The following FARS2 variants were observed in gnomAD, a reference collection of about 807,000 sequenced individuals.
The protein encoded by FARS2 is phenylalanine--tRNA ligase, mitochondrial.
Under a neutral mutation model 46.4 loss-of-function variants are expected in FARS2, and 40 were observed. The observed-to-expected ratio is 0.86, with a 90% CI of 0.67 to 1.12. The LOEUF is 1.12. Ranked by LOEUF, FARS2 falls within the 50% of genes most tolerant of loss-of-function variation. The pLI is 0.00. For synonymous variants in FARS2, 234 were observed against 214.9 expected (o/e 1.09, Z -0.78); for missense variants, 513 against 567.9 (o/e 0.90, Z 0.98).
chr6:5,425,510 A>AACAC (rs563269554), intron 3 of FARS2, among the ~76,000 whole-genome samples: 1 of 151,162 alleles, frequency 6.6e-6, no homozygotes, highest in East Asian at 1.9e-4. Flanking sequence ...GAAGAGACCA[A>AACAC]ACACACACAC....
At chr6:5,405,386 G>A (rs1029686040) in intron 3 of FARS2, among the ~76,000 whole-genome samples, 2 of 151,494 alleles carry the variant, frequency 1.3e-5, no homozygotes, top group African/African-American at 4.9e-5. Flanking sequence ...AATGGATTAG[G>A]TCAGTCTCAT....
intron 5 of FARS2, among the ~76,000 whole-genome samples, chr6:5,598,610 A>T (rs1774335483): frequency 6.6e-6 from 1 of 152,226 alleles, no homozygotes; most frequent in Non-Finnish European, 1.5e-5. Flanking sequence ...AATGCTTCCA[A>T]CACAGGCATA....
intron 2 of FARS2, among the ~76,000 whole-genome samples, chr6:5,381,406 T>TACATAC (rs1561999118): frequency 8.7e-6 from 1 of 115,320 alleles, no homozygotes; most frequent in African/African-American, 3.7e-5. Flanking sequence ...CACACACACA[T>TACATAC]ACACACACAC....
intron 6 of FARS2, among the ~76,000 whole-genome samples, chr6:5,719,739 T>A (rs1157407398): frequency 6.6e-6 from 1 of 152,224 alleles, no homozygotes; most frequent in Non-Finnish European, 1.5e-5. Flanking sequence ...AGAAGGTACA[T>A]CTTACCAAGA....
chr6:5,356,112 T>C (rs1172257571), intron 1 of FARS2, among the ~76,000 whole-genome samples: 1 of 152,194 alleles, frequency 6.6e-6, no homozygotes, highest in Non-Finnish European at 1.5e-5. Context: ...AGTGTCACAT[T>C]TCACGCCTTT....
At chr6:5,735,098 A>G (rs1351727697) in intron 6 of FARS2, among the ~76,000 whole-genome samples, 2 of 152,248 alleles carry the variant, frequency 1.3e-5, no homozygotes, top group African/African-American at 2.4e-5. Flanking sequence ...TTTTAAAACA[A>G]AGTCTAGAAA....
chr6:5,282,479 G>A (rs1766804427), intron 1 of FARS2, among the ~76,000 whole-genome samples: 1 of 152,196 alleles, frequency 6.6e-6, no homozygotes, highest in Admixed American at 6.5e-5. Context: ...CGGTGCATAT[G>A]GGGAAGGGAG....
chr6:5,363,142 G>A (rs1002063241), intron 1 of FARS2, among the ~76,000 whole-genome samples: 1 of 151,824 alleles, frequency 6.6e-6, no homozygotes, highest in African/African-American at 2.4e-5. Flanking sequence ...TAGCCAGGAT[G>A]GTCTCGTTCT....
At chr6:5,394,407 C>G in intron 2 of FARS2, among the ~76,000 whole-genome samples, 1 of 152,186 alleles carries the variant, frequency 6.6e-6, no homozygotes, top group East Asian at 1.9e-4. Context: ...GGCTATACTT[C>G]ATAGCCTAGG....
intron 6 of FARS2, among the ~76,000 whole-genome samples, chr6:5,719,676 C>T (rs1198206077): frequency 2.0e-5 from 3 of 152,106 alleles, no homozygotes; most frequent in Non-Finnish European, 4.4e-5. Context: ...GGGATGCGGC[C>T]AGCCAGGAGC....
chr6:5,586,461 A>G (rs1022120748), intron 5 of FARS2, among the ~76,000 whole-genome samples: 2 of 152,056 alleles, frequency 1.3e-5, no homozygotes, highest in African/African-American at 4.8e-5. Flanking sequence ...CATGATTTTT[A>G]TCTGCATTCT....
intron 1 of FARS2, among the ~76,000 whole-genome samples, chr6:5,347,212 C>T (rs1757295280): frequency 6.6e-6 from 1 of 152,150 alleles, no homozygotes; most frequent in Non-Finnish European, 1.5e-5. Flanking sequence ...GTGTGCCTGG[C>T]CCATTCATTA....
rs1042406793 is a variant in FARS2 at position 5,600,519 on chromosome 6, A to G, written c.1066-12650A>G. Among the ~76,000 whole-genome samples the G allele has an allele frequency of 2.0e-5, 3 of 152,228 alleles. No individual in the cohort carries two copies. In the East Asian group the frequency reaches 5.8e-4, roughly 29 times the overall value. On this transcript the variant is annotated intron_variant, in intron 5 of 6. Coordinates refer to ENST00000274680, the MANE Select transcript of FARS2 (RefSeq NM_006567.5). ...ACAACCTGAATTCATAAAGTACCAA[A>G]CTCACCAGCCAAATTTGATAAGCAG...
At chr6:5,580,817 T>C (rs1773288630) in intron 5 of FARS2, among the ~76,000 whole-genome samples, 1 of 152,238 alleles carries the variant, frequency 6.6e-6, no homozygotes, top group South Asian at 2.1e-4. Flanking sequence ...CCACATTGGA[T>C]ACTGGTTCCT....
At chr6:5,495,025 G>A (rs1366512460) in intron 4 of FARS2, among the ~76,000 whole-genome samples, 2 of 152,184 alleles carry the variant, frequency 1.3e-5, no homozygotes, top group Non-Finnish European at 2.9e-5. Context: ...AATGACTGCT[G>A]TGTGAGGTTG....
At chr6:5,290,253 A>G (rs1767409978) in intron 1 of FARS2, among the ~76,000 whole-genome samples, 1 of 152,156 alleles carries the variant, frequency 6.6e-6, no homozygotes, top group East Asian at 1.9e-4. Context: ...GTGTGAGGGA[A>G]ACAGTAATGC....
intron 5 of FARS2, among the ~76,000 whole-genome samples, chr6:5,597,888 C>A (rs1014708404): frequency 1.3e-5 from 2 of 151,916 alleles, no homozygotes; most frequent in African/African-American, 4.8e-5. Flanking sequence ...CTTTAATTTT[C>A]TTTTTTATCT....
chr6:5,695,126 G>A (rs1417396517), intron 6 of FARS2: 5 of 152,224 alleles, frequency 3.3e-5, no homozygotes, highest in Admixed American at 3.3e-4. Flanking sequence ...GAAAGTTAAG[G>A]TGATGACGCT....
At chr6:5,486,373 A>G (rs370924373) in intron 4 of FARS2, among the ~76,000 whole-genome samples, 3 of 152,310 alleles carry the variant, frequency 2.0e-5, no homozygotes, top group East Asian at 1.9e-4. Context: ...TCCACGCAGA[A>G]CAGGTCTGTT....
Sources: gnomAD v4.1 joint callset for allele counts (sites outside exome capture counted in the v4.1 genomes callset) on GRCh38, gnomAD v4.1.1 for gene constraint, MANE v1.5 for transcripts, NCBI Gene and HGNC (gene_info 2026-07-23, HGNC 2026-07-21) for gene names.